The following DAP3 variants were observed in gnomAD, a reference collection of about 807,000 sequenced individuals.
DAP3 encodes the protein small ribosomal subunit protein mS29.
A neutral mutation model predicts 51.9 loss-of-function variants in DAP3; 28 were observed. The ratio of observed to expected loss-of-function variants is 0.54; its 90% CI spans 0.40 to 0.74. The LOEUF is 0.74. Ranked by LOEUF, DAP3 falls within the 30% of genes least tolerant of loss-of-function variation. DAP3 has a pLI of 0.00. For synonymous variants in DAP3, 170 were observed against 170.3 expected (o/e 1.00, Z 0.01); for missense variants, 458 against 483.5 (o/e 0.95, Z 0.49).
upstream of DAP3, chr1:155,688,302 G>C (rs759436649): frequency 9.6e-6 from 15 of 1,567,218 alleles, no homozygotes; most frequent in South Asian, 1.6e-4. Context: ...GTTTCCCCTC[G>C]CAAAGCGAAC....
At chr1:155,727,537 G>T in intron 6 of DAP3, 71 bp from the exon 7 acceptor site, 3 of 1,444,674 alleles carry the variant, frequency 2.1e-6, no homozygotes, top group Non-Finnish European at 2.8e-6. Context: ...TAACTTAAAA[G>T]AGGCATAGAA....
chr1:155,725,414 A>T lies in DAP3; in HGVS notation c.303A>T (p.Val101=). The T allele has an allele frequency of 6.2e-7, 1 of 1,614,090 alleles. No individual in the cohort carries two copies. Among genetic ancestry groups the T allele is most frequent in the Non-Finnish European group, 8.5e-7 (1 of 1,180,018 alleles). Residue 101 remains valine (V), a synonymous_variant, in exon 5 of 13, where the codon GTA becomes GTT. Transcript: ENST00000368336. ...CATTCAGTGAAGCTTGCCTGATGGT[A>T]AGGAAACCAGCCCTAGAACTTCTGC... ...VKTFSEACLM[V]RKPALELLHY... is the part of the protein sequence containing the mutation.
intron 11 of DAP3, chr1:155,736,542 G>A (rs761641486): frequency 3.1e-5 from 7 of 226,010 alleles, no homozygotes; most frequent in African/African-American, 4.7e-5. Context: ...TCAGCCTCCC[G>A]AGTACCTGGG....
upstream of DAP3, chr1:155,688,513 G>A (rs1375559379): frequency 6.5e-7 from 1 of 1,545,776 alleles, no homozygotes; most frequent in Admixed American, 2.0e-5. Flanking sequence ...CGGGCTCGTC[G>A]CTGGCTGCTC....
Position 155,737,017 on chromosome 1 carries a change from T to C in DAP3, c.1065T>C (p.Ser355=). ...ACTATAACCCAAAGGAATTTGAAAG[T>C]TGTATTCAGTATTATTTGGAAAACA... The part of the protein sequence containing the change: ...VSNYNPKEFE[S]CIQYYLENNW... Residue 355 remains serine, a synonymous_variant, in exon 12 of 13, where the codon AGT becomes AGC. Transcript: ENST00000368336. The C allele has an allele frequency of 6.2e-7, 1 of 1,614,164 alleles. No homozygotes were observed.
In DAP3 at chr1:155,725,571, G is replaced by A. The variant is rs376655902; in HGVS notation, c.379+81G>A. ...AAGGCAACAGAAGAAATGAAAAAAA[G>A]TACTGTTGAGGCCGGGCATGGTAGC... On this transcript the variant is annotated intron_variant, in intron 5 of 12. Transcript: ENST00000368336. The A allele has an allele frequency of 9.6e-5, 129 of 1,338,348 alleles. 1 individual carries two copies. In the Middle Eastern group the frequency reaches 3.1e-3, roughly 32 times the overall value. The allele number at this position is 1,338,348 out of a possible 1,614,324, so 82.9% of individuals were successfully genotyped here. A position where few individuals can be genotyped will look rare whatever the true frequency, so the allele number is the denominator to read the frequency against.
At chr1:155,727,448 G>C in intron 6 of DAP3, 160 bp from the exon 7 acceptor site, 1 of 643,882 alleles carries the variant, frequency 1.6e-6, no homozygotes. Flanking sequence ...TAGCCTGGGT[G>C]ACAGAGCAAG....
rs372695062 is a variant in DAP3 at position 155,709,752 on chromosome 1, CT to C, written c.-7-8del. The C allele has an allele frequency of 0.15, 154,683 of 1,061,674 alleles. 1,091 individuals carry two copies. The highest frequency in any genetic ancestry group is 0.26 in the African/African-American group (16,984 of 64,630). 65.8% of individuals were successfully genotyped at this position (1,061,674 alleles called of 1,614,324 possible). A position where few individuals can be genotyped will look rare whatever the true frequency, so the allele number is the denominator to read the frequency against. ...TTCCCATTTGTGGTTTACCTTTTCA[CT>C]TTTTTTTTTTTTGTAACAGTGCAAG... On this transcript the variant is annotated intron_variant, in intron 1 of 12. Transcript: ENST00000368336.
intron 1 of DAP3, among the ~76,000 whole-genome samples, chr1:155,709,542 T>C (rs893747313): frequency 6.6e-6 from 1 of 152,184 alleles, no homozygotes; most frequent in African/African-American, 2.4e-5. Context: ...TGATTTGTAA[T>C]GAGGTTCAAA....
At chr1:155,731,805 T>C in intron 10 of DAP3, 139 bp from the exon 11 acceptor site, 1 of 749,744 alleles carries the variant, frequency 1.3e-6, no homozygotes, top group Non-Finnish European at 2.1e-6. Context: ...ATAACCAATT[T>C]AGTTGCCATT....
At chr1:155,706,815 G>C (rs753511893) in intron 1 of DAP3, among the ~76,000 whole-genome samples, 1 of 151,376 alleles carries the variant, frequency 6.6e-6, no homozygotes, top group Non-Finnish European at 1.5e-5. Context: ...CAAGGGGGCC[G>C]GGTGTGGTAA....
At chr1:155,709,655 A>C (rs1430084524) in intron 1 of DAP3, 118 bp from the exon 2 acceptor site, 4 of 693,074 alleles carry the variant, frequency 5.8e-6, no homozygotes, top group Middle Eastern at 3.6e-4. Context: ...CATTCTTTAT[A>C]TATTCTAGAT....
rs1657437270 is a variant in DAP3 at position 155,717,148 on chromosome 1, A to G, written c.168+20A>G. On this transcript the variant is annotated intron_variant, in intron 3 of 12. Transcript: ENST00000368336. ...GACCCGGTGAGTTACTAATATGTAT[A>G]TGGGGTTTCTCAGGGCTTATGATTT... 10 of 1,607,834 alleles carry G rather than the reference A, an allele frequency of 6.2e-6. No individual in the cohort carries two copies. Among genetic ancestry groups the G allele is most frequent in the East Asian group, 2.2e-5 (1 of 44,824 alleles).
chr1:155,702,867 G>A (rs1655486457), intron 1 of DAP3, among the ~76,000 whole-genome samples: 1 of 152,178 alleles, frequency 6.6e-6, no homozygotes, highest in Non-Finnish European at 1.5e-5. Context: ...CTACTCAGGA[G>A]GCTGAGGCAG....
rs1557798963 is a variant in DAP3, at chr1:155,731,340, T to C, written c.844-16T>C. On this transcript the variant is annotated splice_polypyrimidine_tract_variant and intron_variant, in intron 9 of 12. Coordinates refer to ENST00000368336, the MANE Select transcript of DAP3 (RefSeq NM_004632.4). ...GGCACGTGATGATCTCTTCTCTCTT[T>C]CTGTCCGATATGCAGATTGCCCCCG... is the stretch of plus-strand genomic sequence containing the variant. 6.2e-7 allele frequency: 1 copy of C among 1,613,534 alleles called. No homozygotes were observed. Among genetic ancestry groups the C allele is most frequent in the Non-Finnish European group, 8.5e-7 (1 of 1,179,604 alleles).
At chr1:155,732,119 A>G in intron 11 of DAP3, 86 bp downstream of exon 11, 1 of 1,224,660 alleles carries the variant, frequency 8.2e-7, no homozygotes, top group Non-Finnish European at 1.1e-6. Context: ...ATTTTGACAT[A>G]ATTTCAGACT....
chr1:155,736,824 T>G, intron 11 of DAP3, 122 bp from the exon 12 acceptor site: 3 of 822,792 alleles, frequency 3.6e-6, no homozygotes, highest in Non-Finnish European at 6.2e-6. Context: ...TGCCAGAGAA[T>G]GAGAAGTAGA....
rs374622277 is a variant in DAP3 at position 155,691,856 on chromosome 1, G to A, written c.-8+2682G>A. On this transcript the variant is annotated intron_variant, in intron 1 of 12. Transcript: ENST00000368336. ...TGGGGGACCAGTCTCAGCACCACCC[G>A]TAGGGTATCCGAAGTCCGGTGGCGA... Among the ~76,000 whole-genome samples the A allele has an allele frequency of 5.7e-5, 8 of 141,342 alleles. 2 individuals are homozygous for A. Among genetic ancestry groups the A allele is most frequent in the African/African-American group, 2.3e-4 (7 of 30,928 alleles). The allele number at this position is 141,342 out of a possible 152,430, so 92.7% of individuals were successfully genotyped here.
rs548960884 is a variant in DAP3, at chr1:155,731,222, G to A, written c.844-134G>A. 306 of 738,742 alleles carry A rather than the reference G, an allele frequency of 4.1e-4. 6 individuals are homozygous for A. In the South Asian group the frequency reaches 4.7e-3, roughly 11 times the overall value. The allele number at this position is 738,742 out of a possible 1,614,324, so 45.8% of individuals were successfully genotyped here. ...GTGGAGGTTGCAGTGAGCCCAAATCGCGCCACTGCACTCCAGCCTGGGCGA... is the reference window on the plus strand; with the variant it reads ...GTGGAGGTTGCAGTGAGCCCAAATCACGCCACTGCACTCCAGCCTGGGCGA... On this transcript the variant is annotated intron_variant, in intron 9 of 12. Transcript: ENST00000368336.
Sources: allele counts gnomAD v4.1 joint callset (sites outside exome capture counted in the v4.1 genomes callset), GRCh38; gene constraint gnomAD v4.1.1; transcripts MANE v1.5; gene names NCBI Gene and HGNC (gene_info 2026-07-23, HGNC 2026-07-21).